The following CCPG1 variants were observed in gnomAD, a reference collection of about 807,000 sequenced individuals.
The protein encoded by CCPG1 is cell cycle progression 1.
In CCPG1, 46 loss-of-function variants were observed where a neutral mutation model predicts 81.3. That is an observed-to-expected ratio of 0.57 (90% CI 0.45 to 0.72). The LOEUF (loss-of-function observed/expected upper bound fraction) is 0.72, where lower values mean the gene tolerates loss of function less well. CCPG1 is among the 30% of genes least tolerant of loss of function. The pLI is 0.00. For synonymous variants in CCPG1, 330 were observed against 305.2 expected (o/e 1.08, Z -0.85); for missense variants, 902 against 937.6 (o/e 0.96, Z 0.50).
chr15:55,395,051 A>T (rs2056989372), intron 1 of CCPG1, among the ~76,000 whole-genome samples: 1 of 152,086 alleles, frequency 6.6e-6, no homozygotes, highest in Non-Finnish European at 1.5e-5. Context: ...TGGCTGCAGC[A>T]CCCAATTAAA....
At chr15:55,405,766 C>G (rs74745190) in intron 1 of CCPG1, among the ~76,000 whole-genome samples, 26,971 of 152,116 alleles carry the variant, frequency 0.18, 4,123 homozygotes, top group African/African-American at 0.42. Context: ...TCGAGTCCAA[C>G]TATTTCATTT....
chr15:55,362,047 T>G (rs2056211834), intron 7 of CCPG1, among the ~76,000 whole-genome samples: 1 of 152,182 alleles, frequency 6.6e-6, no homozygotes, highest in Non-Finnish European at 1.5e-5. Flanking sequence ...GTGGTAGAAA[T>G]CATGGTCAAT....
At chr15:55,399,417 C>CAAAAAAAAAAAAAAA (rs56191750) in intron 1 of CCPG1, among the ~76,000 whole-genome samples, 6 of 63,116 alleles carry the variant, frequency 9.5e-5, no homozygotes, top group African/African-American at 1.4e-4. Context: ...ACTAAAAATA[C>CAAAAAAAAAAAAAAA]AAAAAAAAAA....
intron 1 of CCPG1, among the ~76,000 whole-genome samples, chr15:55,393,725 C>A (rs1411607980): frequency 6.6e-6 from 1 of 152,064 alleles, no homozygotes; most frequent in East Asian, 1.9e-4. Flanking sequence ...AAAATAGGGT[C>A]TGGAGGCAGG....
chr15:55,355,452 C>CA lies in CCPG1; in HGVS notation c.*767dup. The CA allele has an allele frequency of 1.9e-6, 3 of 1,587,840 alleles. No individual in the cohort carries two copies. The highest frequency in any genetic ancestry group is 2.6e-6 in the Non-Finnish European group (3 of 1,163,316). Reference sequence around the variant, plus strand: ...TTCTGAACTTTCCTAGATAAATTAACATTGCTGGGTGGAAATATTCAGATG... The same window carrying CA: ...TTCTGAACTTTCCTAGATAAATTAACAATTGCTGGGTGGAAATATTCAGATG... On this transcript the variant is annotated 3_prime_UTR_variant, in exon 9 of 9. Transcript: ENST00000442196.
At chr15:55,365,432 GTT>G in intron 6 of CCPG1, 123 bp from the exon 7 acceptor site, 2 of 311,434 alleles carry the variant, frequency 6.4e-6, no homozygotes, top group Non-Finnish European at 1.1e-5. Flanking sequence ...TTTTTTTTTT[GTT>G]TTTTTTTTGT....
chr15:55,378,655 G>A (rs1435968339), intron 3 of CCPG1, among the ~76,000 whole-genome samples: 1 of 151,284 alleles, frequency 6.6e-6, no homozygotes, highest in Non-Finnish European at 1.5e-5. Flanking sequence ...CCAGGCTGGA[G>A]TGCAGTGGCA....
chr15:55,385,759 T>C, intron 2 of CCPG1, 45 bp from the exon 3 acceptor site: 1 of 1,014,644 alleles, frequency 9.9e-7, no homozygotes, highest in Non-Finnish European at 1.6e-6. Flanking sequence ...TATTAGCTCC[T>C]CAAAGCTAGA....
chr15:55,365,464 TC>T (rs1219772867), intron 6 of CCPG1, among the ~76,000 whole-genome samples, 155 bp from the exon 7 acceptor site: 9 of 149,760 alleles, frequency 6.0e-5, no homozygotes, highest in African/African-American at 2.2e-4. Context: ...AGAGTCTTGC[TC>T]CATTGCCCAG....
chr15:55,404,761 C>T (rs1030134461), intron 1 of CCPG1, among the ~76,000 whole-genome samples: 1 of 152,092 alleles, frequency 6.6e-6, no homozygotes, highest in African/African-American at 2.4e-5. Flanking sequence ...ATAGCGAGAC[C>T]CTGCCTCTAC....
intron 1 of CCPG1, among the ~76,000 whole-genome samples, chr15:55,395,107 C>A (rs1044173247): frequency 7.9e-5 from 12 of 152,012 alleles, no homozygotes; most frequent in African/African-American, 2.9e-4. Flanking sequence ...GCTTTCTGTG[C>A]GGCAAGCAGC....
intron 3 of CCPG1, among the ~76,000 whole-genome samples, chr15:55,381,264 G>A (rs550515746): frequency 6.1e-5 from 9 of 148,086 alleles, no homozygotes; most frequent in Middle Eastern, 6.9e-3. Context: ...TGAAACCCCC[G>A]TCTCTACTAA....
chr15:55,393,194 G>A (rs923577332), intron 1 of CCPG1, among the ~76,000 whole-genome samples: 8 of 152,110 alleles, frequency 5.3e-5, no homozygotes, highest in South Asian at 2.1e-4. Context: ...CAGCACTTTC[G>A]GAGGCTGAGG....
At chr15:55,383,520 T>C (rs563879767) in intron 3 of CCPG1, among the ~76,000 whole-genome samples, 19 of 152,352 alleles carry the variant, frequency 1.2e-4, no homozygotes, top group Non-Finnish European at 2.8e-4. Context: ...TATTGACTTC[T>C]CTGTAGTTAG....
chr15:55,397,739 G>C lies in CCPG1; in HGVS notation c.-9-8306C>G, dbSNP rs530547522. Reference sequence around the variant, plus strand: ...CACCTGTAATCCCAGCACTTTGGGAGGCCGAGGTGGGCAGATCACTTGACG... The same window carrying C: ...CACCTGTAATCCCAGCACTTTGGGACGCCGAGGTGGGCAGATCACTTGACG... On this transcript the variant is annotated intron_variant, in intron 1 of 8. Transcript: ENST00000442196. Among the ~76,000 whole-genome samples the C allele has an allele frequency of 2.6e-5, 4 of 152,330 alleles. No individual in the cohort carries two copies. In the East Asian group the frequency reaches 7.7e-4, roughly 29 times the overall value.
At chr15:55,407,018 G>A (rs2057239967) in intron 1 of CCPG1, among the ~76,000 whole-genome samples, 1 of 144,354 alleles carries the variant, frequency 6.9e-6, no homozygotes, top group Non-Finnish European at 1.5e-5. Flanking sequence ...TCCAAGACCA[G>A]CCTGGCCGAC....
Position 55,371,533 on chromosome 15 carries a change from T to C in CCPG1, c.706+260A>G, listed in dbSNP as rs560689129. Among the ~76,000 whole-genome samples, 10 of 152,366 alleles carry C rather than the reference T, an allele frequency of 6.6e-5. No individual in the cohort carries two copies. In the East Asian group the frequency reaches 1.9e-3, roughly 29 times the overall value. ...ATTTCAGATTTTTAATCTTCCAATC[T>C]TTTAACTTTAAAAGAGTCACAAACA... On this transcript the variant is annotated intron_variant, in intron 6 of 8. Transcript: ENST00000442196.
chr15:55,380,969 CT>C (rs1240974282), intron 3 of CCPG1, among the ~76,000 whole-genome samples: 1 of 151,892 alleles, frequency 6.6e-6, no homozygotes, highest in South Asian at 2.1e-4. Flanking sequence ...AACCCCGTCT[CT>C]ACTAAAAATA....
chr15:55,380,260 T>TC (rs1490902583), intron 3 of CCPG1, among the ~76,000 whole-genome samples: 1 of 150,208 alleles, frequency 6.7e-6, no homozygotes, highest in Non-Finnish European at 1.5e-5. Flanking sequence ...TATTTTTTTT[T>TC]CCCTATCATG....
Sources: gnomAD v4.1 joint callset for allele counts (sites outside exome capture counted in the v4.1 genomes callset) on GRCh38, gnomAD v4.1.1 for gene constraint, MANE v1.5 for transcripts, NCBI Gene and HGNC (gene_info 2026-07-23, HGNC 2026-07-21) for gene names.